IFT122: variants seen among roughly 807,000 people sequenced by gnomAD.
IFT122 encodes intraflagellar transport protein 122 homolog.
Under a neutral mutation model 161.6 loss-of-function variants are expected in IFT122, and 118 were observed. The ratio of observed to expected loss-of-function variants is 0.73; its 90% confidence interval spans 0.63 to 0.85. The LOEUF (loss-of-function observed/expected upper bound fraction) is 0.85, where lower values mean the gene tolerates loss of function less well. Among genes scored for constraint, IFT122 ranks in the 40% least tolerant of loss-of-function variants. IFT122 has a pLI of 0.00. For missense variants in IFT122, 1,381 were observed against 1,579.6 expected, an observed-to-expected ratio of 0.87 and a Z score of 2.13; for synonymous variants, 550 against 602.4, an observed-to-expected ratio of 0.91 and a Z score of 1.27.
intron 23 of IFT122, among the ~76,000 whole-genome samples, chr3:129,510,155 G>A (rs2082655780): frequency 6.6e-6 from 1 of 152,158 alleles, no homozygotes; most frequent in African/African-American, 2.4e-5. Flanking sequence ...CAAACTGCTG[G>A]ACTCAAGTGA....
rs543834622 is a variant in IFT122, at chr3:129,484,032, T to C, written c.1851+350T>C. 2.3e-4 allele frequency: 90 copies of C among 388,300 alleles called. No individual in the cohort carries two copies. In the East Asian group the frequency reaches 5.5e-3, roughly 24 times the overall value. 24.1% of individuals were successfully genotyped at this position (388,300 alleles called of 1,614,324 possible). On this transcript the variant is annotated intron_variant, in intron 15 of 29. Coordinates refer to ENST00000348417, the MANE Select transcript of IFT122 (RefSeq NM_052989.3). ...AGCCGGGAGTCCGGCAGGGTGTGTG[T>C]GTGAGTACGTGTGTGATGGTGGTGA...
chr3:129,457,963 C>T (rs1350697769), intron 3 of IFT122: 1 of 156,680 alleles, frequency 6.4e-6, no homozygotes, highest in Non-Finnish European at 1.4e-5. Flanking sequence ...TGGTCTCGAT[C>T]TCCTGACCTC....
chr3:129,464,342 C>A (rs2076487983), intron 6 of IFT122, among the ~76,000 whole-genome samples: 1 of 152,032 alleles, frequency 6.6e-6, no homozygotes, highest in East Asian at 1.9e-4. Context: ...GGTGGCTGGC[C>A]CAGAGATGTA....
At chr3:129,475,245 C>T (rs2077782002) in intron 9 of IFT122, among the ~76,000 whole-genome samples, 1 of 152,144 alleles carries the variant, frequency 6.6e-6, no homozygotes, top group African/African-American at 2.4e-5. Flanking sequence ...AATTCGCACT[C>T]ACTAAAATGG....
chr3:129,443,730 C>T (rs2073582504), intron 1 of IFT122, among the ~76,000 whole-genome samples: 1 of 152,120 alleles, frequency 6.6e-6, no homozygotes, highest in Non-Finnish European at 1.5e-5. Flanking sequence ...TAAGTCAGAG[C>T]TAAACTGAAA....
intron 1 of IFT122, among the ~76,000 whole-genome samples, chr3:129,449,367 AT>A (rs1432850532): frequency 1.3e-5 from 2 of 152,230 alleles, no homozygotes; most frequent in Non-Finnish European, 2.9e-5. Context: ...TGAAAAAAAA[AT>A]GTAAGCTTTA....
At chr3:129,486,439 A>G (rs1305766876) in intron 15 of IFT122, among the ~76,000 whole-genome samples, 2 of 152,210 alleles carry the variant, frequency 1.3e-5, no homozygotes, top group African/African-American at 4.8e-5. Flanking sequence ...TTACTGACTC[A>G]TAAAATAGCA....
At chr3:129,504,090 T>C in intron 20 of IFT122, 1 of 534,590 alleles carries the variant, frequency 1.9e-6, no homozygotes, top group East Asian at 3.3e-5. Context: ...AAACAGACTG[T>C]GTTGTTACTG....
At chr3:129,485,319 A>G (rs1446044832) in intron 15 of IFT122, among the ~76,000 whole-genome samples, 1 of 152,188 alleles carries the variant, frequency 6.6e-6, no homozygotes, top group East Asian at 1.9e-4. Context: ...ACTCAGCTTC[A>G]GGCTAGAGCC....
chr3:129,476,099 C>T (rs1229085688), intron 9 of IFT122: 2 of 588,738 alleles, frequency 3.4e-6, no homozygotes, highest in Non-Finnish European at 6.1e-6. Context: ...CCACTGACTC[C>T]AGGAGCTGAG....
chr3:129,466,746 A>C (rs1274070206), intron 7 of IFT122, 144 bp from the exon 8 acceptor site: 1 of 758,762 alleles, frequency 1.3e-6, no homozygotes, highest in African/African-American at 1.7e-5. Context: ...CGAGCGATTC[A>C]CTTGCCTCGG....
rs774633968 is a variant in IFT122 at position 129,500,024 on chromosome 3, C to A, written c.2331C>A (p.His777Gln). ...AVEMYISAGE[H>Q]VKAIEICGDH... Reference sequence around the variant, plus strand: ...AGATGTACATCTCAGCAGGAGAGCACGTCAAGGCCATCGAGATCTGTGGTG... The same window carrying A: ...AGATGTACATCTCAGCAGGAGAGCAAGTCAAGGCCATCGAGATCTGTGGTG... The change falls in exon 19 of 30, where the codon CAC becomes CAA. Residue 777 changes from histidine (H) to glutamine (Q), a missense_variant. His to Gln is a conservative substitution (Grantham distance 24). Transcript: ENST00000348417. The A allele has an allele frequency of 6.2e-7, 1 of 1,614,046 alleles. No individual in the cohort carries two copies. The highest frequency in any genetic ancestry group is 8.5e-7 in the Non-Finnish European group (1 of 1,180,038).
chr3:129,471,110 A>G (rs542954128), intron 9 of IFT122, among the ~76,000 whole-genome samples: 2 of 152,356 alleles, frequency 1.3e-5, no homozygotes, highest in East Asian at 3.9e-4. Flanking sequence ...ATTTCACACC[A>G]CAGCCAAGCA....
chr3:129,511,973 G>C (rs1257643326), intron 23 of IFT122, among the ~76,000 whole-genome samples: 1 of 152,250 alleles, frequency 6.6e-6, no homozygotes, highest in Non-Finnish European at 1.5e-5. Context: ...TCCAGAGGCA[G>C]TACAGCTTGG....
At chr3:129,499,736 G>C (rs551754822) in intron 18 of IFT122, among the ~76,000 whole-genome samples, 166 bp from the exon 19 acceptor site, 2 of 152,160 alleles carry the variant, frequency 1.3e-5, no homozygotes, top group Non-Finnish European at 2.9e-5. Flanking sequence ...CACTCTTCCC[G>C]AGACCTGGGA....
In IFT122 at chr3:129,464,721, A is replaced by G. The variant is rs753953371; in HGVS notation, c.503A>G (p.Lys168Arg). The part of the protein sequence containing the change: ...IRNKNGEEKV[K>R]IERPGGSLSP... ...AACAAAAATGGCGAGGAGAAAGTAA[A>G]GATCGAGCGGCCGGGGGGCTCCCTC... Residue 168 changes from lysine (K) to arginine (R), a missense_variant, in exon 7 of 30, where the codon AAG (lysine) becomes AGG (arginine). Lys to Arg is a conservative substitution (Grantham distance 26). Around this residue, in one of 7 missense-constraint regions of IFT122, gnomAD observed 544 missense variants for 648.0 expected, o/e 0.84. Coordinates refer to ENST00000348417, the MANE Select transcript of IFT122 (RefSeq NM_052989.3). The G allele has an allele frequency of 1.1e-5, 17 of 1,613,592 alleles. No individual in the cohort carries two copies. The highest frequency in any genetic ancestry group is 4.0e-5 in the African/African-American group (3 of 74,892).
In IFT122 at chr3:129,484,030, T is replaced by C. The variant is rs918394371; in HGVS notation, c.1851+348T>C. On this transcript the variant is annotated intron_variant, in intron 15 of 29. Transcript: ENST00000348417. ...AAAGCCGGGAGTCCGGCAGGGTGTG[T>C]GTGTGAGTACGTGTGTGATGGTGGT... The C allele has an allele frequency of 4.3e-5, 17 of 392,446 alleles. No homozygotes were observed. In the Admixed American group the frequency reaches 5.5e-4, roughly 13 times the overall value. The allele number at this position is 392,446 out of a possible 1,614,324, so 24.3% of individuals were successfully genotyped here.
chr3:129,465,176 C>G (rs2076609809), intron 7 of IFT122, among the ~76,000 whole-genome samples: 1 of 149,532 alleles, frequency 6.7e-6, no homozygotes, highest in Admixed American at 6.7e-5. Flanking sequence ...GTGAGTGATG[C>G]AGCAGGACCA....
Position 129,514,753 on chromosome 3 carries a change from C to A in IFT122, c.3153+199C>A, listed in dbSNP as rs1021369067. Reference sequence around the variant, plus strand: ...CCTGTTCTCCCCGCAGTCCACCTGGCGCCCGCTCACAGCCCCCGGCCCCGG... The same window carrying A: ...CCTGTTCTCCCCGCAGTCCACCTGGAGCCCGCTCACAGCCCCCGGCCCCGG... On this transcript the variant is annotated intron_variant, in intron 25 of 29. Coordinates refer to ENST00000348417, the MANE Select transcript of IFT122 (RefSeq NM_052989.3). The A allele has an allele frequency of 4.4e-6, 3 of 687,930 alleles. No homozygotes were observed. In the African/African-American group the frequency reaches 5.3e-5, roughly 12 times the overall value. 42.6% of individuals were successfully genotyped at this position (687,930 alleles called of 1,614,324 possible).
Sources: gnomAD v4.1 joint callset for allele counts (sites outside exome capture counted in the v4.1 genomes callset) on GRCh38, gnomAD v4.1.1 for gene constraint, gnomAD v4.1.1 regional missense constraint, MANE v1.5 for transcripts, NCBI Gene and HGNC (gene_info 2026-07-23, HGNC 2026-07-21) for gene names.